GOLGA4: variants seen among roughly 807,000 people sequenced by gnomAD.
GOLGA4 encodes the protein golgin A4, also known as golgin subfamily A member 4.
A neutral mutation model predicts 265.9 loss-of-function variants in GOLGA4; 169 were observed. That is an observed-to-expected ratio of 0.64 (90% CI 0.56 to 0.72). GOLGA4 has a LOEUF of 0.72. Ranked by LOEUF, GOLGA4 falls within the 30% of genes least tolerant of loss-of-function variation. The probability of loss-of-function intolerance (pLI) is 0.00; values close to 1 mark genes in which losing one functional copy is unlikely to be tolerated. For synonymous variants in GOLGA4, 923 were observed against 855.8 expected, an observed-to-expected ratio of 1.08 and a Z score of -1.37; for missense variants, 2,482 against 2,483.4, an observed-to-expected ratio of 1.00 and a Z score of 0.01.
At chr3:37,292,870 T>C (rs1211530086) in intron 5 of GOLGA4, among the ~76,000 whole-genome samples, 1 of 152,190 alleles carries the variant, frequency 6.6e-6, no homozygotes, top group African/African-American at 2.4e-5. Flanking sequence ...AGACCACTGC[T>C]GTGGGAATGT....
At position 37,266,163 on chromosome 3, in the gene GOLGA4, G is replaced by GTTTGT. The variant is rs541753949; in HGVS notation, c.162+14693_162+14697dup. 4.7e-3 allele frequency among the ~76,000 whole-genome samples: 719 copies of GTTTGT among 151,416 alleles called. 2 individuals are homozygous for GTTTGT. Among genetic ancestry groups the GTTTGT allele is most frequent in the African/African-American group, 0.017 (682 of 41,240 alleles). ...ATGTCCTGTCATGTATTTTTTTATT[G>GTTTGT]TTTGTTTTGTTTTGTTTTTTTGAGA... is the stretch of plus-strand genomic sequence containing the variant. On this transcript the variant is annotated intron_variant, in intron 2 of 23. Coordinates refer to ENST00000361924, the MANE Select transcript of GOLGA4 (RefSeq NM_002078.5).
At chr3:37,340,730 T>G (rs2097030790) in intron 20 of GOLGA4, among the ~76,000 whole-genome samples, 1 of 152,232 alleles carries the variant, frequency 6.6e-6, no homozygotes. Context: ...CTTATTCCAC[T>G]TAATATAATG....
At chr3:37,282,362 T>G (rs2096837125) in intron 3 of GOLGA4, 90 bp downstream of exon 3, 2 of 902,922 alleles carry the variant, frequency 2.2e-6, no homozygotes, top group Non-Finnish European at 3.5e-6. Context: ...TGTGATTGGC[T>G]AAACTGTTAA....
chr3:37,280,845 T>G (rs1204630479), intron 2 of GOLGA4, among the ~76,000 whole-genome samples: 2 of 152,246 alleles, frequency 1.3e-5, no homozygotes, highest in African/African-American at 4.8e-5. Context: ...AATTTGTGTG[T>G]ATGAAGGTAT....
intron 21 of GOLGA4, among the ~76,000 whole-genome samples, chr3:37,353,789 A>C (rs1235244286): frequency 6.6e-6 from 1 of 152,012 alleles, no homozygotes; most frequent in African/African-American, 2.4e-5. Context: ...TGGGGGTCTC[A>C]CTATGTTTCC....
chr3:37,281,473 C>G (rs1180274083), intron 2 of GOLGA4, among the ~76,000 whole-genome samples: 2 of 152,174 alleles, frequency 1.3e-5, no homozygotes, highest in Non-Finnish European at 2.9e-5. Context: ...ATTACCATGT[C>G]CATAAAGACC....
At chr3:37,249,966 A>G (rs1028391697) in intron 1 of GOLGA4, 2 of 152,176 alleles carry the variant, frequency 1.3e-5, no homozygotes, top group African/African-American at 4.8e-5. Context: ...CTTTATTTGT[A>G]TGTCTGTTTT....
At chr3:37,329,773 A>G (rs2096984060) in intron 16 of GOLGA4, among the ~76,000 whole-genome samples, 1 of 152,214 alleles carries the variant, frequency 6.6e-6, no homozygotes, top group East Asian at 1.9e-4. Flanking sequence ...AGTACTTTGG[A>G]CTAACATTTG....
At chr3:37,283,919 T>C (rs1254281942) in intron 3 of GOLGA4, among the ~76,000 whole-genome samples, 1 of 152,212 alleles carries the variant, frequency 6.6e-6, no homozygotes, top group Admixed American at 6.5e-5. Context: ...TGGAGACTCA[T>C]AGTAACTTGC....
intron 20 of GOLGA4, among the ~76,000 whole-genome samples, chr3:37,342,212 C>T (rs1466930968): frequency 2.6e-5 from 4 of 152,040 alleles, no homozygotes; most frequent in Non-Finnish European, 5.9e-5. Context: ...CGTATGGTGG[C>T]GTACACCTGT....
At position 37,360,587 on chromosome 3, in the gene GOLGA4, G is replaced by A. The variant is rs540940892; in HGVS notation, c.6664-656G>A. On this transcript the variant is annotated intron_variant, in intron 22 of 23. Transcript: ENST00000361924. ...TTTAATGCTGCCATTTTAAATCACC[G>A]TGAAGGTAATTAATGATTTTGGACA... is the stretch of plus-strand genomic sequence containing the variant. Among the ~76,000 whole-genome samples the A allele has an allele frequency of 1.1e-4, 16 of 152,236 alleles. No homozygotes were observed. The South Asian group carries it at 1.2e-3, about 12-fold the overall frequency.
chr3:37,363,559 T>C (rs1026981274), intron 23 of GOLGA4, among the ~76,000 whole-genome samples: 1 of 152,230 alleles, frequency 6.6e-6, no homozygotes, highest in African/African-American at 2.4e-5. Flanking sequence ...CCATTTATAT[T>C]ATTCCCCATT....
At chr3:37,257,676 C>G (rs1578366926) in intron 2 of GOLGA4, among the ~76,000 whole-genome samples, 1 of 151,310 alleles carries the variant, frequency 6.6e-6, no homozygotes, top group African/African-American at 2.4e-5. Context: ...GATGTTATCT[C>G]TGTGTCACTT....
rs552232811 is a variant in GOLGA4, at chr3:37,244,834, C to T, written c.72+1212C>T. Among the ~76,000 whole-genome samples the T allele has an allele frequency of 6.6e-5, 10 of 152,276 alleles. No individual in the cohort carries two copies. The East Asian group carries it at 1.5e-3, about 23-fold the overall frequency. ...TAAAATTTAAATGGTAAAGATTGTC[C>T]TTTTCATACCATCTATTGCAGTCAT... is the stretch of plus-strand genomic sequence containing the variant. On this transcript the variant is annotated intron_variant, in intron 1 of 23. Coordinates refer to ENST00000361924, the MANE Select transcript of GOLGA4 (RefSeq NM_002078.5).
chr3:37,247,826 C>A (rs1252658057), intron 1 of GOLGA4, among the ~76,000 whole-genome samples: 1 of 152,176 alleles, frequency 6.6e-6, no homozygotes, highest in Non-Finnish European at 1.5e-5. Flanking sequence ...TGACCACTTT[C>A]GGCTTAGAGG....
intron 4 of GOLGA4, among the ~76,000 whole-genome samples, chr3:37,288,249 G>A (rs1403423319): frequency 3.5e-5 from 5 of 143,814 alleles, no homozygotes; most frequent in Non-Finnish European, 4.6e-5. Context: ...CTACAGGCAC[G>A]CATCACCATG....
intron 2 of GOLGA4, among the ~76,000 whole-genome samples, chr3:37,253,668 G>T (rs1418098292): frequency 6.6e-5 from 10 of 151,908 alleles, no homozygotes; most frequent in African/African-American, 1.5e-4. Context: ...TTTTGTAAAG[G>T]TATATTCAAT....
At chr3:37,272,653 A>C (rs985612075) in intron 2 of GOLGA4, among the ~76,000 whole-genome samples, 2 of 152,254 alleles carry the variant, frequency 1.3e-5, no homozygotes, top group African/African-American at 2.4e-5. Context: ...CACGTTTGCA[A>C]AACTGAGCAC....
chr3:37,257,103 C>T (rs962950496), intron 2 of GOLGA4, among the ~76,000 whole-genome samples: 1 of 152,126 alleles, frequency 6.6e-6, no homozygotes, highest in Admixed American at 6.5e-5. Context: ...CCCCTAGCAA[C>T]CATTAATTTG....
Sources: allele counts gnomAD v4.1 joint callset (sites outside exome capture counted in the v4.1 genomes callset), GRCh38; gene constraint gnomAD v4.1.1; transcripts MANE v1.5; gene names NCBI Gene and HGNC (gene_info 2026-07-23, HGNC 2026-07-21).